Variants in FRYL observed in about 807,000 individuals in gnomAD.
FRYL encodes the protein protein furry homolog-like.
FRYL carries 150 observed loss-of-function variants against 351.2 expected under a neutral mutation model. The observed-to-expected ratio is 0.43, with a 90% confidence interval of 0.37 to 0.49. The LOEUF is 0.49. Ranked by LOEUF, FRYL falls within the 20% of genes least tolerant of loss-of-function variation. The probability of loss-of-function intolerance (pLI) is 0.00; values close to 1 mark genes in which losing one functional copy is unlikely to be tolerated. For synonymous variants in FRYL, 1,153 were observed against 1,257.1 expected, an observed-to-expected ratio of 0.92 and a Z score of 1.75; for missense variants, 3,036 against 3,619.3, an observed-to-expected ratio of 0.84 and a Z score of 4.13.
chr4:48,715,805 C>T (rs1476390684), intron 1 of FRYL, among the ~76,000 whole-genome samples: 1 of 152,128 alleles, frequency 6.6e-6, no homozygotes, highest in Non-Finnish European at 1.5e-5. Flanking sequence ...AAAAAAGAGC[C>T]CGCATCGCCA....
intron 3 of FRYL, among the ~76,000 whole-genome samples, chr4:48,682,905 ATCCC>A (rs1287357872): frequency 6.6e-6 from 1 of 152,178 alleles, no homozygotes; most frequent in Non-Finnish European, 1.5e-5. Context: ...TGACCCAGCA[ATCCC>A]ATTACTGGGT....
intron 4 of FRYL, among the ~76,000 whole-genome samples, chr4:48,631,315 TA>T (rs1334375878): frequency 6.6e-6 from 1 of 152,160 alleles, no homozygotes; most frequent in East Asian, 1.9e-4. Context: ...CATAATTTTA[TA>T]ATCTCAGATT....
intron 3 of FRYL, among the ~76,000 whole-genome samples, chr4:48,656,131 A>G (rs1426328825): frequency 1.5e-5 from 2 of 135,586 alleles, no homozygotes; most frequent in East Asian, 2.1e-4. Flanking sequence ...AATAATATAT[A>G]CAATATATAC....
chr4:48,745,630 C>T (rs1413660556), intron 1 of FRYL, among the ~76,000 whole-genome samples: 1 of 152,110 alleles, frequency 6.6e-6, no homozygotes, highest in Non-Finnish European at 1.5e-5. Context: ...GGAAGGATAG[C>T]ATTAGGAGAT....
chr4:48,732,797 G>A (rs1335841736), intron 1 of FRYL, among the ~76,000 whole-genome samples: 1 of 151,512 alleles, frequency 6.6e-6, no homozygotes, highest in East Asian at 1.9e-4. Flanking sequence ...CTAGGGGAGG[G>A]ATAACATTAG....
At chr4:48,545,228 A>G (rs761411097) in intron 42 of FRYL, among the ~76,000 whole-genome samples, 7 of 152,228 alleles carry the variant, frequency 4.6e-5, no homozygotes, top group Non-Finnish European at 1.5e-5. Context: ...TTGTAATGCA[A>G]AGAAAATAAT....
intron 1 of FRYL, among the ~76,000 whole-genome samples, chr4:48,740,419 T>C (rs1315692469): frequency 6.6e-6 from 1 of 150,462 alleles, no homozygotes; most frequent in African/African-American, 2.5e-5. Flanking sequence ...CTCAGCCTCC[T>C]GAGTAGTTGG....
At chr4:48,637,356 G>T (rs183158252) in intron 3 of FRYL, 1 of 151,922 alleles carries the variant, frequency 6.6e-6, no homozygotes, top group Non-Finnish European at 1.5e-5. Flanking sequence ...CTGCTAATAG[G>T]AGAGAAACAG....
intron 26 of FRYL, among the ~76,000 whole-genome samples, chr4:48,572,705 C>T (rs1464065722): frequency 6.6e-6 from 1 of 152,170 alleles, no homozygotes; most frequent in Non-Finnish European, 1.5e-5. Flanking sequence ...CCTATAGTTT[C>T]TGAAAGCTGC....
intron 2 of FRYL, among the ~76,000 whole-genome samples, chr4:48,687,509 A>AGG (rs1560861203): frequency 8.2e-4 from 8 of 9,810 alleles, no homozygotes; most frequent in Non-Finnish European, 1.2e-3. Flanking sequence ...GGGGGGGGTG[A>AGG]GGGGGGAGGG....
At chr4:48,631,619 C>A (rs1354963505) in intron 4 of FRYL, among the ~76,000 whole-genome samples, 1 of 151,982 alleles carries the variant, frequency 6.6e-6, no homozygotes, top group Non-Finnish European at 1.5e-5. Context: ...TCGAGTAACT[C>A]ACATCGGAGA....
chr4:48,675,386 C>CTGCCG lies in FRYL; in HGVS notation c.-81+9286_-81+9287insCGGCA, dbSNP rs1763457571. Among the ~76,000 whole-genome samples the CTGCCG allele has an allele frequency of 8.5e-5, 13 of 152,350 alleles. 1 individual carries two copies. Among genetic ancestry groups the CTGCCG allele is most frequent in the Admixed American group, 8.5e-4 (13 of 15,304 alleles). ...CGGGGCTGCCTGCGGCGCTTGCGGG[C>CTGCCG]CAGCTGGAGTTCCGGGTGGGCGTGG... On this transcript the variant is annotated intron_variant, in intron 3 of 63. Coordinates refer to ENST00000358350, the MANE Select transcript of FRYL (RefSeq NM_015030.2).
chr4:48,764,185 A>C lies in FRYL; in HGVS notation c.-384+15893T>G, dbSNP rs1320131520. ...ACTCTATCTCAAAAATAAATAAATAAATAAATAAATTAAATTCAGTTAAGT... is the reference window on the plus strand; with the variant it reads ...ACTCTATCTCAAAAATAAATAAATACATAAATAAATTAAATTCAGTTAAGT... On this transcript the variant is annotated intron_variant, in intron 1 of 63. Coordinates refer to ENST00000358350, the MANE Select transcript of FRYL (RefSeq NM_015030.2). Among the ~76,000 whole-genome samples, 3 of 152,126 alleles carry C rather than the reference A, an allele frequency of 2.0e-5. No homozygotes were observed. In the South Asian group the frequency reaches 6.2e-4, roughly 32 times the overall value.
At chr4:48,505,729 G>C in intron 59 of FRYL, 114 bp from the exon 60 acceptor site, 1 of 639,470 alleles carries the variant, frequency 1.6e-6, no homozygotes, top group Non-Finnish European at 2.7e-6. Context: ...ATTGGTTGTA[G>C]ACCTAGACTT....
intron 12 of FRYL, among the ~76,000 whole-genome samples, chr4:48,602,608 G>A (rs1038401610): frequency 2.0e-5 from 3 of 151,996 alleles, no homozygotes; most frequent in African/African-American, 4.8e-5. Flanking sequence ...TTCAATGCCT[G>A]GCACAATCCA....
chr4:48,559,068 T>A (rs1478877579), intron 33 of FRYL, among the ~76,000 whole-genome samples: 1 of 152,178 alleles, frequency 6.6e-6, no homozygotes, highest in African/African-American at 2.4e-5. Context: ...CAACCTCTGA[T>A]CCTTGATTTC....
chr4:48,655,428 C>T (rs1758634000), intron 3 of FRYL, among the ~76,000 whole-genome samples: 1 of 151,976 alleles, frequency 6.6e-6, no homozygotes, highest in Admixed American at 6.6e-5. Context: ...AAAAGTGCAT[C>T]CCACAGCCCA....
At position 48,650,639 on chromosome 4, in the gene FRYL, C is replaced by T. The variant is rs568489756; in HGVS notation, c.-80-16149G>A. On this transcript the variant is annotated intron_variant, in intron 3 of 63. Transcript: ENST00000358350. ...TGCTTCCAGAACTGGCAAAGCATGG[C>T]GAGAACGGCAACAGGCAAAATGAGC... Among the ~76,000 whole-genome samples, 4 of 152,180 alleles carry T rather than the reference C, an allele frequency of 2.6e-5. 1 individual carries two copies. In the South Asian group the frequency reaches 6.2e-4, roughly 24 times the overall value.
At chr4:48,513,778 T>G (rs1189741893) in intron 56 of FRYL, among the ~76,000 whole-genome samples, 1 of 152,240 alleles carries the variant, frequency 6.6e-6, no homozygotes, top group African/African-American at 2.4e-5. Flanking sequence ...GTGGTGATGA[T>G]TTTAACACAT....
Sources: allele counts gnomAD v4.1 joint callset (sites outside exome capture counted in the v4.1 genomes callset), GRCh38; gene constraint gnomAD v4.1.1; transcripts MANE v1.5; gene names NCBI Gene and HGNC (gene_info 2026-07-23, HGNC 2026-07-21).